Variants in CGN observed in about 807,000 individuals in gnomAD.
CGN encodes cingulin.
Under a neutral mutation model 157.1 loss-of-function variants are expected in CGN, and 121 were observed. The ratio of observed to expected loss-of-function variants is 0.77; its 90% CI spans 0.66 to 0.90. The LOEUF is 0.90. Among genes scored for constraint, CGN ranks in the 40% least tolerant of loss-of-function variants. The pLI is 0.00. For synonymous variants in CGN, 535 were observed against 607.5 expected (o/e 0.88, Z 1.76); for missense variants, 1,424 against 1,520.9 (o/e 0.94, Z 1.06).
intron 5 of CGN, 106 bp from the exon 6 acceptor site, chr1:151,523,328 A>G: frequency 2.8e-6 from 3 of 1,077,100 alleles, no homozygotes; most frequent in Non-Finnish European, 4.0e-6. Context: ...TATAGTGTCT[A>G]TCATACAGCA....
chr1:151,537,694 T>G lies in CGN; in HGVS notation c.*348T>G. 5.4e-6 allele frequency: 1 copy of G among 185,484 alleles called. No individual in the cohort carries two copies. Among genetic ancestry groups the G allele is most frequent in the Non-Finnish European group, 1.1e-5 (1 of 88,012 alleles). The allele number at this position is 185,484 out of a possible 1,614,324, so 11.5% of individuals were successfully genotyped here. A position where few individuals can be genotyped will look rare whatever the true frequency, so the allele number is the denominator to read the frequency against. ...GCCATGTGTATAAAGCTTTATTCTT[T>G]AGCCCTTAACCCTAAGGCTCAGGGA... On this transcript the variant is annotated 3_prime_UTR_variant, in exon 21 of 21. Transcript: ENST00000271636.
upstream of CGN, among the ~76,000 whole-genome samples, chr1:151,510,240 G>A (rs182494792): frequency 3.4e-4 from 51 of 152,054 alleles, no homozygotes; most frequent in Non-Finnish European, 6.6e-4. Context: ...TGAAGGCTTG[G>A]GGAGGGGCGG....
At chr1:151,531,793 T>C (rs955601201) in intron 13 of CGN, among the ~76,000 whole-genome samples, 1 of 151,914 alleles carries the variant, frequency 6.6e-6, no homozygotes, top group Non-Finnish European at 1.5e-5. Flanking sequence ...GTTACATCAA[T>C]TCTAAAGTGC....
At position 151,524,954 on chromosome 1, in the gene CGN, G is replaced by C; in HGVS notation, c.1614+68G>C. ...GAGAACAAGGCTGCCTTGGGATCTTGGACTTTTGGACTTTTCATGGTTGCA... is the reference window on the plus strand; with the variant it reads ...GAGAACAAGGCTGCCTTGGGATCTTCGACTTTTGGACTTTTCATGGTTGCA... On this transcript the variant is annotated intron_variant, in intron 8 of 20. Transcript: ENST00000271636. This position sits in a 1 kb window ranked among gnomAD's most constrained non-coding sequence, Gnocchi z 4.4. 1 of 1,301,898 alleles carries C rather than the reference G, an allele frequency of 7.7e-7. No homozygotes were observed. The highest frequency in any genetic ancestry group is 1.1e-6 in the Non-Finnish European group (1 of 930,818). The allele number at this position is 1,301,898 out of a possible 1,614,324, so 80.6% of individuals were successfully genotyped here.
intron 15 of CGN, chr1:151,534,367 T>C: frequency 1.9e-6 from 1 of 515,366 alleles, no homozygotes; most frequent in Admixed American, 3.8e-5. Flanking sequence ...TGTCTTGTCC[T>C]GAGTCTGCAT....
chr1:151,529,501 A>ACCTCCAGCTACAAAAGAC lies in CGN; in HGVS notation c.2057_2074dup (p.Leu686_Gln691dup), dbSNP rs1336262060. ...CGAGGTCGGGAGCTGGAAGAACAGAACCTCCAGCTACAAAAGACCCTCCAG... is the reference window on the plus strand; with the variant it reads ...CGAGGTCGGGAGCTGGAAGAACAGAACCTCCAGCTACAAAAGACCCTCCAGCTACAAAAGACCCTCCAG... On this transcript the variant is annotated inframe_insertion, in exon 11 of 21. Transcript: ENST00000271636. 4 of 1,613,690 alleles carry ACCTCCAGCTACAAAAGAC rather than the reference A, an allele frequency of 2.5e-6. No homozygotes were observed. Among genetic ancestry groups the ACCTCCAGCTACAAAAGAC allele is most frequent in the Non-Finnish European group, 3.4e-6 (4 of 1,179,952 alleles).
chr1:151,512,188 T>C (rs1664315731), intron 1 of CGN, among the ~76,000 whole-genome samples: 1 of 149,462 alleles, frequency 6.7e-6, no homozygotes, highest in Admixed American at 6.9e-5. Context: ...CTTCTTCCTC[T>C]TGAGAGAGAG....
In CGN at chr1:151,518,541, G is replaced by A; in HGVS notation, c.22G>A (p.Ala8Thr). MEQAPNM[A>T]EPRGPVDHGV... ...ATTTATGGAGCAGGCACCCAACATG[G>A]CTGAGCCCCGGGGCCCCGTAGACCA... Residue 8 changes from alanine (A) to threonine (T), a missense_variant, in exon 2 of 21, where the codon GCT becomes ACT. Coordinates refer to ENST00000271636, the MANE Select transcript of CGN (RefSeq NM_020770.3). 6.2e-7 allele frequency: 1 copy of A among 1,609,014 alleles called. No individual in the cohort carries two copies. Among genetic ancestry groups the A allele is most frequent in the South Asian group, 1.1e-5 (1 of 90,942 alleles).
In CGN at chr1:151,523,415, C is replaced by T. The variant is rs1473065595; in HGVS notation, c.1141-19C>T. 1.9e-6 allele frequency: 3 copies of T among 1,596,784 alleles called. No individual in the cohort carries two copies. Among genetic ancestry groups the T allele is most frequent in the Non-Finnish European group, 2.6e-6 (3 of 1,172,912 alleles). On this transcript the variant is annotated intron_variant, in intron 5 of 20. Transcript: ENST00000271636. Reference sequence around the variant, plus strand: ...CTTTCCCTACCCTCTACCTGCTGTACTCTCATTCCCTTTTACAGAAGCGGC... The same window carrying T: ...CTTTCCCTACCCTCTACCTGCTGTATTCTCATTCCCTTTTACAGAAGCGGC...
chr1:151,520,154 T>G lies in CGN; in HGVS notation c.874-12T>G, dbSNP rs770808876. 5 of 1,585,378 alleles carry G rather than the reference T, an allele frequency of 3.2e-6. No homozygotes were observed. Among genetic ancestry groups the G allele is most frequent in the Non-Finnish European group, 4.3e-6 (5 of 1,168,008 alleles). ...TCTTTCTTTTTTTTTTCTTTTTCTTTTTTTTTAACAGTTCAAATCAACTCC... is the reference window on the plus strand; with the variant it reads ...TCTTTCTTTTTTTTTTCTTTTTCTTGTTTTTTAACAGTTCAAATCAACTCC... On this transcript the variant is annotated splice_polypyrimidine_tract_variant and intron_variant, in intron 2 of 20. Coordinates refer to ENST00000271636, the MANE Select transcript of CGN (RefSeq NM_020770.3).
In CGN at chr1:151,524,087, AG is replaced by A. The variant is rs1293976688; in HGVS notation, c.1269-137del. ...CAGGAGGGCCAGGTTGTAGCGGGGC[AG>A]GTTGCAAAAATCAGGGGAGGCCTCA... On this transcript the variant is annotated intron_variant, in intron 6 of 20. Coordinates refer to ENST00000271636, the MANE Select transcript of CGN (RefSeq NM_020770.3). This position sits in a 1 kb window ranked among gnomAD's most constrained non-coding sequence, Gnocchi z 4.4. 5 of 715,904 alleles carry A rather than the reference AG, an allele frequency of 7.0e-6. No homozygotes were observed. The East Asian group carries it at 1.1e-4, about 16-fold the overall frequency. The allele number at this position is 715,904 out of a possible 1,614,324, so 44.3% of individuals were successfully genotyped here.
chr1:151,526,655 G>T (rs1664688368), intron 9 of CGN, among the ~76,000 whole-genome samples: 1 of 151,920 alleles, frequency 6.6e-6, no homozygotes, highest in East Asian at 1.9e-4. Flanking sequence ...TGTATTTTTT[G>T]TAGAGACGGG....
intron 3 of CGN, 71 bp downstream of exon 3, chr1:151,520,337 TC>T: frequency 6.4e-7 from 1 of 1,566,702 alleles, no homozygotes; most frequent in African/African-American, 1.4e-5. Flanking sequence ...TTTCCCATCT[TC>T]CCTGATTTTA....
chr1:151,534,880 G>C lies in CGN; in HGVS notation c.2905-162G>C, dbSNP rs1049684453. On this transcript the variant is annotated intron_variant, in intron 15 of 20. Transcript: ENST00000271636. ...ATGCCACATCTGGTCAGTAGAGGGCGCTGGCTCCATAGTGGCTCTGGGTCC... is the reference window on the plus strand; with the variant it reads ...ATGCCACATCTGGTCAGTAGAGGGCCCTGGCTCCATAGTGGCTCTGGGTCC... 6.5e-6 allele frequency: 4 copies of C among 612,196 alleles called. 1 individual carries two copies. In the South Asian group the frequency reaches 7.7e-5, roughly 12 times the overall value. The allele number at this position is 612,196 out of a possible 1,614,324, so 37.9% of individuals were successfully genotyped here. A position where few individuals can be genotyped will look rare whatever the true frequency, so the allele number is the denominator to read the frequency against.
intron 15 of CGN, chr1:151,534,483 G>A (rs927982077): frequency 3.1e-5 from 9 of 294,502 alleles, no homozygotes; most frequent in Non-Finnish European, 5.8e-5. Context: ...AACATATTGT[G>A]CTGTGTGATA....
rs1417762574 is a variant in CGN at position 151,534,056 on chromosome 1, C to A, written c.2824C>A (p.Arg942=). ...GCTGGACAAAGAGCTACTGGCCCAG[C>A]GACTGCAGGGGCTGGAGCAAGAGGC... The part of the protein sequence containing the change: ...ARLDKELLAQ[R]LQGLEQEAEN... Residue 942 remains arginine (R), a synonymous_variant, in exon 15 of 21, where the codon CGA becomes AGA. Coordinates refer to ENST00000271636, the MANE Select transcript of CGN (RefSeq NM_020770.3). 5.6e-6 allele frequency: 9 copies of A among 1,613,716 alleles called. No homozygotes were observed. The highest frequency in any genetic ancestry group is 7.6e-6 in the Non-Finnish European group (9 of 1,179,876).
chr1:151,513,496 G>A (rs573757810), intron 1 of CGN, among the ~76,000 whole-genome samples: 74 of 152,170 alleles, frequency 4.9e-4, no homozygotes, highest in Non-Finnish European at 8.1e-4. Flanking sequence ...TTTCTATTTC[G>A]ACCATTTGCT....
chr1:151,532,600 A>G, intron 14 of CGN, 28 bp downstream of exon 14: 1 of 1,320,652 alleles, frequency 7.6e-7, no homozygotes, highest in Non-Finnish European at 9.9e-7. Context: ...TTGGGTTTGA[A>G]GGTCCTTGCC....
At chr1:151,526,904 A>AT in intron 9 of CGN, 71 bp from the exon 10 acceptor site, 1 of 1,594,662 alleles carries the variant, frequency 6.3e-7, no homozygotes, top group Non-Finnish European at 8.6e-7. Context: ...TTTTATTGTC[A>AT]TGCTAACCTC....
Sources: allele counts gnomAD v4.1 joint callset (sites outside exome capture counted in the v4.1 genomes callset), GRCh38; gene constraint gnomAD v4.1.1; non-coding constraint Gnocchi (gnomAD v3.1); transcripts MANE v1.5; gene names NCBI Gene and HGNC (gene_info 2026-07-23, HGNC 2026-07-21).